USP25: variants seen among roughly 807,000 people sequenced by gnomAD.
The protein encoded by USP25 is ubiquitin carboxyl-terminal hydrolase 25.
Under a neutral mutation model 158.5 loss-of-function variants are expected in USP25, and 85 were observed. That is an observed-to-expected ratio of 0.54 (90% CI 0.45 to 0.64). The LOEUF is 0.64. USP25 is among the 30% of genes least tolerant of loss of function. The probability of loss-of-function intolerance (pLI) is 0.00; values close to 1 mark genes in which losing one functional copy is unlikely to be tolerated. For synonymous variants in USP25, 464 were observed against 460.4 expected, an observed-to-expected ratio of 1.01 and a Z score of -0.10; for missense variants, 1,242 against 1,327.3, an observed-to-expected ratio of 0.94 and a Z score of 1.00.
chr21:15,851,051 TG>T (rs1250440766), intron 20 of USP25, among the ~76,000 whole-genome samples: 6 of 152,068 alleles, frequency 3.9e-5, no homozygotes, highest in African/African-American at 1.4e-4. Flanking sequence ...GGTTTCTAAC[TG>T]GCTTCCTAAT....
At chr21:15,818,965 T>G in intron 10 of USP25, 119 bp downstream of exon 10, 1 of 1,234,608 alleles carries the variant, frequency 8.1e-7, no homozygotes, top group Non-Finnish European at 1.1e-6. Context: ...ACTCAGAGAG[T>G]ATGTTTGGAT....
chr21:15,822,204 A>G (rs1238655440), intron 10 of USP25, among the ~76,000 whole-genome samples: 2 of 152,086 alleles, frequency 1.3e-5, no homozygotes, highest in East Asian at 3.9e-4. Context: ...ACTACAATCC[A>G]AATATTGCAG....
rs1173065870 is a variant in USP25 at position 15,877,802 on chromosome 21, A to C, written c.3016A>C (p.Asn1006His). 3 of 1,597,070 alleles carry C rather than the reference A, an allele frequency of 1.9e-6. No homozygotes were observed. The African/African-American group carries it at 4.1e-5, about 22-fold the overall frequency. The change falls in exon 25 of 26, where the codon AAT becomes CAT. Residue 1006 changes from asparagine to histidine, a missense_variant. By Grantham distance (68) the Asn-to-His change is moderately conservative. Around this residue, in one of 3 missense-constraint regions of USP25, gnomAD observed 608 missense variants for 605.2 expected, o/e 1.00. Transcript: ENST00000400183. The part of the protein sequence containing the change: ...HYRRECLLKL[N>H]EQAAELFESG... Reference sequence around the variant, plus strand: ...TTTCCTGCATTGCATTAAGAAATTAAATGAGCAAGCCGCAGAACTCTTCGA... The same window carrying C: ...TTTCCTGCATTGCATTAAGAAATTACATGAGCAAGCCGCAGAACTCTTCGA...
At position 15,766,514 on chromosome 21, in the gene USP25, C is replaced by T. The variant is rs2034047462; in HGVS notation, c.268+373C>T. 1.3e-5 allele frequency among the ~76,000 whole-genome samples: 2 copies of T among 151,372 alleles called. No individual in the cohort carries two copies. On this transcript the variant is annotated intron_variant, in intron 3 of 25. Coordinates refer to ENST00000400183, the MANE Select transcript of USP25 (RefSeq NM_001283041.3). This position sits in a 1 kb window ranked among gnomAD's most constrained non-coding sequence, Gnocchi z 4.0. Reference sequence around the variant, plus strand: ...GAGGTTAAAGTATTATTTCTAATTACTGATAGGTTTACCATTTAATAAAAT... The same window carrying T: ...GAGGTTAAAGTATTATTTCTAATTATTGATAGGTTTACCATTTAATAAAAT...
intron 17 of USP25, among the ~76,000 whole-genome samples, chr21:15,840,566 A>T (rs1387651630): frequency 2.0e-5 from 3 of 152,170 alleles, no homozygotes; most frequent in Non-Finnish European, 4.4e-5. Context: ...GGAGGTATAT[A>T]CATAGGGCAA....
intron 1 of USP25, chr21:15,745,184 C>G (rs2032433175): frequency 6.6e-6 from 1 of 152,182 alleles, no homozygotes; most frequent in Non-Finnish European, 1.5e-5. Context: ...ACTGATAACC[C>G]AGGGCCTCTG....
At chr21:15,752,983 A>G (rs1451162303) in intron 1 of USP25, among the ~76,000 whole-genome samples, 1 of 152,194 alleles carries the variant, frequency 6.6e-6, no homozygotes. Flanking sequence ...GTAATAAACA[A>G]CTCTTCAAGA....
intron 3 of USP25, among the ~76,000 whole-genome samples, chr21:15,769,787 A>G (rs2034245620): frequency 6.6e-6 from 1 of 152,126 alleles, no homozygotes. Flanking sequence ...CAGGAAAAAA[A>G]CAGTATATGC....
chr21:15,745,723 G>T (rs1371518505), intron 1 of USP25, among the ~76,000 whole-genome samples: 1 of 152,042 alleles, frequency 6.6e-6, no homozygotes, highest in African/African-American at 2.4e-5. Context: ...TGATCCGCCC[G>T]CCTCGGTCTC....
intron 4 of USP25, among the ~76,000 whole-genome samples, chr21:15,786,898 C>G (rs2035306654): frequency 6.6e-6 from 1 of 152,018 alleles, no homozygotes; most frequent in East Asian, 1.9e-4. Context: ...ACTGCTACAA[C>G]TCATAAGTGA....
At chr21:15,822,105 A>T (rs1009129049) in intron 10 of USP25, among the ~76,000 whole-genome samples, 1 of 152,048 alleles carries the variant, frequency 6.6e-6, no homozygotes, top group Non-Finnish European at 1.5e-5. Flanking sequence ...AGACAAGTAG[A>T]TATAGTTTTT....
chr21:15,743,282 A>G (rs2032232886), intron 1 of USP25, among the ~76,000 whole-genome samples: 1 of 152,186 alleles, frequency 6.6e-6, no homozygotes, highest in South Asian at 2.1e-4. Context: ...CAGCTCCAGG[A>G]GCCAGCCAGG....
intron 4 of USP25, among the ~76,000 whole-genome samples, chr21:15,783,586 G>A (rs2035092271): frequency 6.6e-6 from 1 of 152,034 alleles, no homozygotes. Flanking sequence ...TATTCACAGT[G>A]CTGGGAAAAA....
chr21:15,753,565 A>G (rs898775636), intron 1 of USP25, among the ~76,000 whole-genome samples: 5 of 152,190 alleles, frequency 3.3e-5, no homozygotes, highest in African/African-American at 1.2e-4. Context: ...TTCTAGATGG[A>G]ATGTAGGAGT....
At chr21:15,800,110 CT>C (rs1378354977) in intron 6 of USP25, among the ~76,000 whole-genome samples, 4 of 151,170 alleles carry the variant, frequency 2.6e-5, no homozygotes, top group African/African-American at 9.7e-5. Context: ...TTTCAGTAAA[CT>C]TTATAGGCTA....
chr21:15,813,964 G>A (rs779421810), intron 9 of USP25, among the ~76,000 whole-genome samples: 5 of 151,592 alleles, frequency 3.3e-5, no homozygotes, highest in Admixed American at 6.6e-5. Context: ...GCAGAATTCC[G>A]TGTGTTGTGG....
chr21:15,795,194 G>A (rs2035802086), intron 5 of USP25, among the ~76,000 whole-genome samples: 1 of 151,130 alleles, frequency 6.6e-6, no homozygotes, highest in South Asian at 2.1e-4. Context: ...GCCTAGAATT[G>A]CCTTTTGTTT....
In USP25 at chr21:15,777,993, A is replaced by G; in HGVS notation, c.358A>G (p.Thr120Ala). 1 of 1,610,844 alleles carries G rather than the reference A, an allele frequency of 6.2e-7. No homozygotes were observed. The highest frequency in any genetic ancestry group is 8.5e-7 in the Non-Finnish European group (1 of 1,178,798). ...LAESNRAFRE[T>A]GITDEEQAIS... ...CGAATCAAACAGGGCATTCAGGGAG[A>G]CTGGAATAACTGATGAGGAACAAGC... The change falls in exon 4 of 26, where the codon ACT (threonine) becomes GCT (alanine). Residue 120 changes from threonine to alanine, a missense_variant. Physicochemically the swap from Thr to Ala is moderately conservative, Grantham distance 58. Transcript: ENST00000400183.
intron 20 of USP25, among the ~76,000 whole-genome samples, chr21:15,855,766 A>G (rs2039105266): frequency 6.6e-6 from 1 of 152,226 alleles, no homozygotes; most frequent in African/African-American, 2.4e-5. Flanking sequence ...CAACTAGGCC[A>G]AGAGGTAGAA....
Sources: allele counts gnomAD v4.1 joint callset (sites outside exome capture counted in the v4.1 genomes callset), GRCh38; gene constraint gnomAD v4.1.1; regional missense constraint gnomAD v4.1.1; non-coding constraint Gnocchi (gnomAD v3.1); transcripts MANE v1.5; gene names NCBI Gene and HGNC (gene_info 2026-07-23, HGNC 2026-07-21).